The following TFPI variants were observed in gnomAD, a reference collection of about 807,000 sequenced individuals.
TFPI encodes the protein tissue factor pathway inhibitor.
In TFPI, 15 loss-of-function variants were observed where a neutral mutation model predicts 34.6. That is an observed-to-expected ratio of 0.43 (90% CI 0.29 to 0.67). TFPI has a LOEUF of 0.67. TFPI is among the 30% of genes least tolerant of loss of function. The pLI is 0.15. For synonymous variants in TFPI, 105 were observed against 120.1 expected (o/e 0.87, Z 0.82); for missense variants, 301 against 364.0 (o/e 0.83, Z 1.41).
chr2:187,479,464 TTATC>T (rs1342198009), intron 6 of TFPI, among the ~76,000 whole-genome samples: 1 of 149,026 alleles, frequency 6.7e-6, no homozygotes, highest in Non-Finnish European at 1.5e-5. Flanking sequence ...ATCTATTTAT[TTATC>T]TATTTGTCTC....
intron 6 of TFPI, among the ~76,000 whole-genome samples, chr2:187,475,464 A>G (rs916915486): frequency 6.6e-6 from 1 of 152,158 alleles, no homozygotes; most frequent in Non-Finnish European, 1.5e-5. Context: ...TCATTTTTTG[A>G]CTATAAACCT....
At chr2:187,527,030 T>G (rs1422706365) in intron 1 of TFPI, 3 of 152,204 alleles carry the variant, frequency 2.0e-5, no homozygotes, top group Non-Finnish European at 2.9e-5. Flanking sequence ...GGCAGCCTGT[T>G]TTTTGTTTTG....
At chr2:187,521,005 C>T (rs1301710676) in intron 1 of TFPI, among the ~76,000 whole-genome samples, 1 of 151,708 alleles carries the variant, frequency 6.6e-6, no homozygotes, top group Non-Finnish European at 1.5e-5. Flanking sequence ...ATTTTATGCC[C>T]CACTCTTATA....
chr2:187,474,184 A>G (rs984826062), intron 6 of TFPI, among the ~76,000 whole-genome samples: 5 of 152,228 alleles, frequency 3.3e-5, no homozygotes, highest in African/African-American at 9.6e-5. Context: ...CATGACATAT[A>G]TGTAAAATTT....
At chr2:187,496,771 T>C (rs1685510729) in intron 3 of TFPI, 110 bp downstream of exon 3, 1 of 985,814 alleles carries the variant, frequency 1.0e-6, no homozygotes, top group Non-Finnish European at 1.5e-6. Flanking sequence ...AAAGATTCCT[T>C]GGAAATATTA....
chr2:187,540,354 A>T (rs1252612399), intron 1 of TFPI, among the ~76,000 whole-genome samples: 2 of 152,182 alleles, frequency 1.3e-5, no homozygotes, highest in Non-Finnish European at 2.9e-5. Flanking sequence ...AAATCACAGA[A>T]GCCCCACTGC....
intron 1 of TFPI, among the ~76,000 whole-genome samples, chr2:187,524,514 T>G (rs1687581309): frequency 6.6e-6 from 1 of 152,040 alleles, no homozygotes; most frequent in African/African-American, 2.4e-5. Flanking sequence ...AACTCTGTGT[T>G]CAATACCCCA....
At chr2:187,471,980 C>G (rs1287648452) in intron 6 of TFPI, among the ~76,000 whole-genome samples, 1 of 151,578 alleles carries the variant, frequency 6.6e-6, no homozygotes, top group African/African-American at 2.4e-5. Context: ...AAGTTTTTTT[C>G]TCTATAATTT....
intron 3 of TFPI, among the ~76,000 whole-genome samples, chr2:187,489,729 G>A (rs1246131664): frequency 1.3e-5 from 2 of 151,358 alleles, no homozygotes; most frequent in Non-Finnish European, 3.0e-5. Context: ...TTGTAAATAG[G>A]ATTAATTCAG....
At position 187,464,335 on chromosome 2, in the gene TFPI, AAGC is replaced by A. The variant is rs1691617543; in HGVS notation, c.*2598_*2600del. The A allele has an allele frequency of 6.6e-6, 1 of 152,234 alleles. No homozygotes were observed. The highest frequency in any genetic ancestry group is 1.5e-5 in the Non-Finnish European group (1 of 68,038). The allele number at this position is 152,234 out of a possible 1,614,324, so 9.4% of individuals were successfully genotyped here. On this transcript the variant is annotated 3_prime_UTR_variant, in exon 8 of 8. Transcript: ENST00000233156. Reference sequence around the variant, plus strand: ...TAATTTTGAATACAGAGAATGAACAAAGCAGGTAAATATATGTATATGCTGAAT... The same window carrying A: ...TAATTTTGAATACAGAGAATGAACAAAGGTAAATATATGTATATGCTGAAT...
chr2:187,519,774 C>G (rs1475967733), intron 1 of TFPI: 2 of 152,284 alleles, frequency 1.3e-5, no homozygotes, highest in African/African-American at 4.8e-5. Flanking sequence ...GTGTTCTGTC[C>G]CAGGGAGATG....
chr2:187,478,813 A>T (rs1692577071), intron 6 of TFPI: 10 of 1,606,576 alleles, frequency 6.2e-6, no homozygotes, highest in Non-Finnish European at 8.5e-6. Context: ...ACTGTGGATC[A>T]CAAAATTGAT....
At chr2:187,486,912 C>G (rs1254605773) in intron 4 of TFPI, among the ~76,000 whole-genome samples, 1 of 151,492 alleles carries the variant, frequency 6.6e-6, no homozygotes, top group Non-Finnish European at 1.5e-5. Context: ...TGGTCCAATG[C>G]TAGGAAGCAT....
chr2:187,500,020 T>A (rs897392128), intron 2 of TFPI, among the ~76,000 whole-genome samples: 17 of 152,184 alleles, frequency 1.1e-4, no homozygotes, highest in African/African-American at 3.9e-4. Context: ...TTCTACTTTT[T>A]ATTCTTAATA....
chr2:187,543,998 A>C (rs1270981628), intron 1 of TFPI, among the ~76,000 whole-genome samples: 1 of 152,186 alleles, frequency 6.6e-6, no homozygotes, highest in Non-Finnish European at 1.5e-5. Context: ...TTCCTTGTTG[A>C]AGGAACCAGT....
chr2:187,491,183 T>A (rs1319794134), intron 3 of TFPI, among the ~76,000 whole-genome samples: 2 of 152,004 alleles, frequency 1.3e-5, no homozygotes, highest in African/African-American at 4.8e-5. Context: ...TTGTTTTTTC[T>A]TTTTAAAAAT....
At chr2:187,509,073 G>T (rs997533143) in intron 1 of TFPI, among the ~76,000 whole-genome samples, 2 of 152,142 alleles carry the variant, frequency 1.3e-5, no homozygotes, top group African/African-American at 4.8e-5. Context: ...TTTGTCATTG[G>T]TTCTCTTTAT....
Position 187,488,449 on chromosome 2 carries a change from A to G in TFPI, c.320-74T>C, listed in dbSNP as rs8176502. On this transcript the variant is annotated intron_variant, in intron 3 of 7. Coordinates refer to ENST00000233156, the MANE Select transcript of TFPI (RefSeq NM_006287.6). ...AATACTATGAATTTGAATTTAACAA[A>G]CAAGAGTGACATATTTATTACCATT... 1.4e-3 allele frequency: 1,270 copies of G among 926,766 alleles called. 11 individuals carry two copies. The African/African-American group carries it at 0.02, about 14-fold the overall frequency. 57.4% of individuals were successfully genotyped at this position (926,766 alleles called of 1,614,324 possible).
At chr2:187,490,472 C>T (rs999844708) in intron 3 of TFPI, among the ~76,000 whole-genome samples, 7 of 151,594 alleles carry the variant, frequency 4.6e-5, no homozygotes, top group African/African-American at 1.7e-4. Flanking sequence ...TAATGGACCC[C>T]CATTATAAAT....
Sources: gnomAD v4.1 joint callset for allele counts (sites outside exome capture counted in the v4.1 genomes callset) on GRCh38, gnomAD v4.1.1 for gene constraint, MANE v1.5 for transcripts, NCBI Gene and HGNC (gene_info 2026-07-23, HGNC 2026-07-21) for gene names.